The following SCN1A variants were observed in gnomAD, a reference collection of about 807,000 sequenced individuals.
SCN1A encodes the protein sodium channel protein type 1 subunit alpha.
Under a neutral mutation model 193.7 loss-of-function variants are expected in SCN1A, and 13 were observed. That is an observed-to-expected ratio of 0.07 (90% CI 0.04 to 0.11). SCN1A has a LOEUF of 0.11. Ranked by LOEUF, SCN1A falls within the 10% of genes least tolerant of loss-of-function variation. The probability of loss-of-function intolerance (pLI) is 1.00; values close to 1 mark genes in which losing one functional copy is unlikely to be tolerated. For synonymous variants in SCN1A, 781 were observed against 843.6 expected (o/e 0.93, Z 1.29); for missense variants, 1,432 against 2,451.1 (o/e 0.58, Z 8.78).
intron 4 of SCN1A, among the ~76,000 whole-genome samples, chr2:166,064,485 G>A (rs977518149): frequency 4.6e-5 from 7 of 152,024 alleles, no homozygotes; most frequent in Non-Finnish European, 1.0e-4. Flanking sequence ...TAACTGAATA[G>A]TTACTAAGAA....
At chr2:166,079,565 C>T (rs1160157859) in intron 2 of SCN1A, among the ~76,000 whole-genome samples, 1 of 150,474 alleles carries the variant, frequency 6.6e-6, no homozygotes, top group African/African-American at 2.4e-5. Context: ...TTACGACAAT[C>T]ACCGTCTTTC....
At chr2:166,049,865 C>T (rs879404401) in intron 9 of SCN1A, among the ~76,000 whole-genome samples, 1 of 151,716 alleles carries the variant, frequency 6.6e-6, no homozygotes, top group African/African-American at 2.4e-5. Context: ...ACCGGGTAGC[C>T]TTTCTGTAAA....
chr2:166,061,821 G>T (rs1357824946), intron 4 of SCN1A, among the ~76,000 whole-genome samples: 1 of 152,058 alleles, frequency 6.6e-6, no homozygotes. Flanking sequence ...TTGACATAGA[G>T]AAAATTAATA....
intron 2 of SCN1A, among the ~76,000 whole-genome samples, chr2:166,111,943 G>A (rs1013091494): frequency 6.6e-6 from 1 of 152,150 alleles, no homozygotes; most frequent in Admixed American, 6.6e-5. Context: ...GAGAGGAGGA[G>A]TTGCTTCTTA....
At chr2:166,123,625 T>A (rs1038645817) in intron 2 of SCN1A, 1 of 152,188 alleles carries the variant, frequency 6.6e-6, no homozygotes, top group East Asian at 1.9e-4. Flanking sequence ...TTGAGGCAAT[T>A]TTTTTGCATT....
intron 2 of SCN1A, among the ~76,000 whole-genome samples, chr2:166,087,498 C>T (rs1686269553): frequency 6.6e-6 from 1 of 152,008 alleles, no homozygotes; most frequent in Non-Finnish European, 1.5e-5. Flanking sequence ...GGCACCCCAC[C>T]CTGTCTCTTG....
At position 166,037,952 on chromosome 2, in the gene SCN1A, C is replaced by T. The variant is rs141950573; in HGVS notation, c.2770G>A (p.Ala924Thr). The change falls in exon 18 of 29, where the codon GCC becomes ACC. Residue 924 changes from alanine (A) to threonine (T), a missense_variant. Around this residue, in one of 18 missense-constraint regions of SCN1A, gnomAD observed 93 missense variants for 260.4 expected, o/e 0.36. Transcript: ENST00000674923. ...KSYKDCVCKI[A>T]SDCQLPRWHM... is the part of the protein sequence containing the mutation. ...CAGCGTGGGAGTTGACAATCACTGG[C>T]GATCTTGCAGACACAATCTTTGTAG... The T allele has an allele frequency of 1.7e-4, 273 of 1,614,168 alleles. No homozygotes were observed. The highest frequency in any genetic ancestry group is 2.2e-4 in the Non-Finnish European group (259 of 1,180,030).
intron 19 of SCN1A, among the ~76,000 whole-genome samples, chr2:166,029,981 TAAGCAGGA>T (rs1695331504): frequency 2.0e-5 from 3 of 152,308 alleles, no homozygotes; most frequent in Admixed American, 2.0e-4. Context: ...CTTTCAGGAC[TAAGCAGGA>T]GGACTCTGAA....
intron 24 of SCN1A, among the ~76,000 whole-genome samples, chr2:166,001,460 GGTTT>G (rs1323684143): frequency 3.3e-5 from 5 of 151,710 alleles, no homozygotes; most frequent in Non-Finnish European, 7.4e-5. Context: ...GACCAGTGTT[GGTTT>G]GTTTGCTTAG....
chr2:166,028,334 A>G (rs570881946), intron 19 of SCN1A, among the ~76,000 whole-genome samples: 19 of 152,248 alleles, frequency 1.2e-4, no homozygotes, highest in South Asian at 8.3e-4. Flanking sequence ...CAAATGAGTA[A>G]TTTTCATTGT....
chr2:166,052,815 A>G, intron 8 of SCN1A, 37 bp downstream of exon 8: 1 of 1,497,606 alleles, frequency 6.7e-7, no homozygotes, highest in Non-Finnish European at 9.3e-7. Flanking sequence ...GCTGAATCAC[A>G]TGATGGGTCC....
At chr2:166,131,806 T>G (rs758545593), upstream of SCN1A, among the ~76,000 whole-genome samples, 34 of 152,204 alleles carry the variant, frequency 2.2e-4, no homozygotes, top group South Asian at 4.1e-4. Flanking sequence ...AGCTGCCTTA[T>G]GAAGAGAATT....
At position 166,073,608 on chromosome 2, in the gene SCN1A, A is replaced by G; in HGVS notation, c.14T>C (p.Val5Ala). 2 of 1,614,202 alleles carry G rather than the reference A, an allele frequency of 1.2e-6. No individual in the cohort carries two copies. The highest frequency in any genetic ancestry group is 1.7e-6 in the Non-Finnish European group (2 of 1,180,028). Reference sequence around the variant, plus strand: ...GCTGTCAGGTCCTGGTGGTACAAGCACTGTTTGCTCCATCTTGTCATCCTG... The same window carrying G: ...GCTGTCAGGTCCTGGTGGTACAAGCGCTGTTTGCTCCATCTTGTCATCCTG... MEQT[V>A]LVPPGPDSFN... The change falls in exon 4 of 29, where the codon GTG (valine) becomes GCG (alanine). Residue 5 changes from valine to alanine, a missense_variant. Val to Ala is a moderately conservative substitution (Grantham distance 64). Coordinates refer to ENST00000674923, the MANE Select transcript of SCN1A (RefSeq NM_001165963.4).
At chr2:166,069,369 A>G (rs1574350590) in intron 4 of SCN1A, among the ~76,000 whole-genome samples, 1 of 152,196 alleles carries the variant, frequency 6.6e-6, no homozygotes, top group Admixed American at 6.5e-5. Context: ...TACTACTACA[A>G]TATTACTGAA....
chr2:166,049,137 A>C (rs1269791348), intron 9 of SCN1A, among the ~76,000 whole-genome samples, 188 bp from the exon 10 acceptor site: 2 of 87,422 alleles, frequency 2.3e-5, no homozygotes, highest in African/African-American at 6.2e-5. Flanking sequence ...TTTACAGTGC[A>C]AAGTATTTCT....
intron 4 of SCN1A, chr2:166,073,152 A>G (rs1247091942): frequency 6.6e-6 from 4 of 607,374 alleles, no homozygotes; most frequent in Non-Finnish European, 1.1e-5. Context: ...TTTATTTGTC[A>G]TGGTGCATTT....
At chr2:166,128,908 T>C (rs867761698), upstream of SCN1A, among the ~76,000 whole-genome samples, 3 of 152,166 alleles carry the variant, frequency 2.0e-5, no homozygotes, top group Non-Finnish European at 1.5e-5. Flanking sequence ...TTTTATGTTA[T>C]ATATTGTATT....
chr2:165,991,226 T>A lies in SCN1A; in HGVS notation c.*19A>T. 1 of 1,586,628 alleles carries A rather than the reference T, an allele frequency of 6.3e-7. No individual in the cohort carries two copies. Among genetic ancestry groups the A allele is most frequent in the Non-Finnish European group, 8.6e-7 (1 of 1,163,632 alleles). On this transcript the variant is annotated 3_prime_UTR_variant, in exon 29 of 29. Transcript: ENST00000674923. ...GGCTGTAAACAATTTGTCACCCAAT[T>A]ATTTTTATTTATTTTCATTTATTTC...
chr2:166,144,936 C>T (rs948565869), intron 1 of SCN1A, among the ~76,000 whole-genome samples: 2 of 150,768 alleles, frequency 1.3e-5, no homozygotes, highest in Non-Finnish European at 3.0e-5. Context: ...GCTGCAACCT[C>T]CGCCTCCCGG....
Sources: allele counts gnomAD v4.1 joint callset (sites outside exome capture counted in the v4.1 genomes callset), GRCh38; gene constraint gnomAD v4.1.1; regional missense constraint gnomAD v4.1.1; transcripts MANE v1.5; gene names NCBI Gene and HGNC (gene_info 2026-07-23, HGNC 2026-07-21).